OSBPL6: variants seen among roughly 807,000 people sequenced by gnomAD.
OSBPL6 encodes the protein oxysterol binding protein like 6, also known as oxysterol-binding protein-related protein 6.
In OSBPL6, 49 loss-of-function variants were observed where a neutral mutation model predicts 125.8. That is an observed-to-expected ratio of 0.39 (90% CI 0.31 to 0.49). The LOEUF (loss-of-function observed/expected upper bound fraction) is 0.49. Among genes scored for constraint, OSBPL6 ranks in the 20% least tolerant of loss-of-function variants. OSBPL6 has a pLI of 0.88. For synonymous variants in OSBPL6, 394 were observed against 391.8 expected (o/e 1.01, Z -0.07); for missense variants, 986 against 1,135.4 (o/e 0.87, Z 1.89).
In OSBPL6 at chr2:178,281,265, G is replaced by A. The variant is rs373778329; in HGVS notation, c.-350-3662G>A. On this transcript the variant is annotated intron_variant, in intron 1 of 24. Coordinates refer to ENST00000190611, the MANE Select transcript of OSBPL6 (RefSeq NM_032523.4). The stretch of plus-strand genomic sequence containing the variant: ...TGACCTCAGGTGATCCGCCTGCCTC[G>A]GCCTCCCAAAGTGCTGGGATTACAG... Among the ~76,000 whole-genome samples the A allele has an allele frequency of 1.4e-4, 21 of 152,042 alleles. 1 individual carries two copies. In the South Asian group the frequency reaches 1.5e-3, roughly 11 times the overall value.
chr2:178,324,132 A>T, intron 3 of OSBPL6, 45 bp from the exon 4 acceptor site: 1 of 1,266,774 alleles, frequency 7.9e-7, no homozygotes, highest in Non-Finnish European at 1.1e-6. Flanking sequence ...ATTCACATGA[A>T]AAGTGAGTTG....
intron 5 of OSBPL6, among the ~76,000 whole-genome samples, chr2:178,330,085 T>C (rs758149993): frequency 1.3e-5 from 2 of 152,180 alleles, no homozygotes; most frequent in African/African-American, 4.8e-5. Context: ...TTTCGCCAAT[T>C]GGCCATCCTC....
intron 1 of OSBPL6, among the ~76,000 whole-genome samples, chr2:178,276,910 A>G (rs1343775381): frequency 6.6e-6 from 1 of 152,104 alleles, no homozygotes; most frequent in Non-Finnish European, 1.5e-5. Flanking sequence ...TCTGCTAGGC[A>G]GGAGTCAGCA....
intron 15 of OSBPL6, among the ~76,000 whole-genome samples, chr2:178,380,587 G>A (rs139940635): frequency 1.9e-4 from 29 of 151,594 alleles, no homozygotes; most frequent in African/African-American, 2.7e-4. Flanking sequence ...TATTGCTGAC[G>A]AGAACAAACT....
rs1193637050 is a variant in OSBPL6 at position 178,398,993 on chromosome 2, T to C, written c.*3434T>C. ...TGTCTAATCTTGTTCTCTGTCATCCTAGATAATGAGGTGTTTGTGGGAGCA... is the reference window on the plus strand; with the variant it reads ...TGTCTAATCTTGTTCTCTGTCATCCCAGATAATGAGGTGTTTGTGGGAGCA... On this transcript the variant is annotated 3_prime_UTR_variant, in exon 25 of 25. Coordinates refer to ENST00000190611, the MANE Select transcript of OSBPL6 (RefSeq NM_032523.4). The C allele has an allele frequency of 1.3e-5, 2 of 151,892 alleles. No homozygotes were observed. Among genetic ancestry groups the C allele is most frequent in the Middle Eastern group, 3.2e-3 (1 of 316 alleles). The allele number at this position is 151,892 out of a possible 1,614,324, so 9.4% of individuals were successfully genotyped here.
At chr2:178,293,517 G>T (rs1320299687) in intron 2 of OSBPL6, among the ~76,000 whole-genome samples, 1 of 151,988 alleles carries the variant, frequency 6.6e-6, no homozygotes, top group Non-Finnish European at 1.5e-5. Context: ...ATTTTTGTGG[G>T]TATGTAGTAG....
At chr2:178,241,632 T>G (rs1029533153) in intron 1 of OSBPL6, among the ~76,000 whole-genome samples, 7 of 152,046 alleles carry the variant, frequency 4.6e-5, no homozygotes, top group African/African-American at 1.7e-4. Flanking sequence ...GCCAGGCTGG[T>G]CTTGAACTCC....
At chr2:178,274,258 G>T (rs977923001) in intron 1 of OSBPL6, among the ~76,000 whole-genome samples, 1 of 151,666 alleles carries the variant, frequency 6.6e-6, no homozygotes, top group African/African-American at 2.4e-5. Flanking sequence ...GTATTCTCTG[G>T]CTAACTAACT....
intron 1 of OSBPL6, among the ~76,000 whole-genome samples, chr2:178,255,051 C>A (rs944667862): frequency 6.6e-6 from 1 of 152,174 alleles, no homozygotes; most frequent in South Asian, 2.1e-4. Flanking sequence ...GGCCTGTAAT[C>A]CTAGCGCTTT....
chr2:178,215,854 G>A (rs1272773920), intron 1 of OSBPL6, among the ~76,000 whole-genome samples: 1 of 152,138 alleles, frequency 6.6e-6, no homozygotes, highest in Non-Finnish European at 1.5e-5. Context: ...TTAGTTCTGG[G>A]GCAGGTGAAG....
chr2:178,352,763 T>G (rs994519928), intron 12 of OSBPL6, among the ~76,000 whole-genome samples: 1 of 152,192 alleles, frequency 6.6e-6, no homozygotes, highest in African/African-American at 2.4e-5. Flanking sequence ...ATCTGAGCTT[T>G]GAGAACGGAC....
At chr2:178,299,522 C>G (rs911016247) in intron 2 of OSBPL6, among the ~76,000 whole-genome samples, 1 of 131,830 alleles carries the variant, frequency 7.6e-6, no homozygotes, top group African/African-American at 2.5e-5. Flanking sequence ...TTCTTTCTTT[C>G]CTTCCTTCCT....
At position 178,202,562 on chromosome 2, in the gene OSBPL6, C is replaced by A. The variant is rs146029500; in HGVS notation, c.-351+7888C>A. 4.7e-3 allele frequency among the ~76,000 whole-genome samples: 721 copies of A among 152,248 alleles called. 5 individuals are homozygous for A. Among genetic ancestry groups the A allele is most frequent in the African/African-American group, 0.017 (706 of 41,546 alleles). ...TATCTGCCGGGCGCTGTGGCTGACG[C>A]CTGTAATCCCAGCACTTTGGGAGGC... is the stretch of plus-strand genomic sequence containing the variant. On this transcript the variant is annotated intron_variant, in intron 1 of 24. Coordinates refer to ENST00000190611, the MANE Select transcript of OSBPL6 (RefSeq NM_032523.4).
Position 178,394,311 on chromosome 2 carries a change from A to C in OSBPL6, c.2574-2A>C. On this transcript the variant is annotated splice_acceptor_variant, in intron 23 of 24. Transcript: ENST00000190611. LOFTEE classifies it high-confidence loss of function. Reference sequence around the variant, plus strand: ...TTAAAATATCAACTGCTTTCTGCTTAGATTTTTGGAAGAAGGAAATTTAGA... The same window carrying C: ...TTAAAATATCAACTGCTTTCTGCTTCGATTTTTGGAAGAAGGAAATTTAGA... 6.2e-7 allele frequency: 1 copy of C among 1,611,230 alleles called. No homozygotes were observed. Among genetic ancestry groups the C allele is most frequent in the Non-Finnish European group, 8.5e-7 (1 of 1,179,404 alleles).
Position 178,349,365 on chromosome 2 carries a change from G to A in OSBPL6, c.1129G>A (p.Glu377Lys). Residue 377 changes from glutamate to lysine, a missense_variant, in exon 12 of 25, where the codon GAA becomes AAA. Physicochemically the swap from Glu to Lys is moderately conservative, Grantham distance 56. This residue lies in a region of OSBPL6 where 843 missense variants were observed against 997.3 expected (regional missense o/e 0.85). Coordinates refer to ENST00000190611, the MANE Select transcript of OSBPL6 (RefSeq NM_032523.4). ...AACAGATTATACAAAGCTGCAAGAA[G>A]AATTTTGTCTAATCGCACAGAAAGG... ...SSTDYTKLQE[E>K]FCLIAQKVHS... The A allele has an allele frequency of 6.2e-7, 1 of 1,614,134 alleles. No individual in the cohort carries two copies.
chr2:178,343,911 C>T (rs552314024), intron 11 of OSBPL6, among the ~76,000 whole-genome samples: 1 of 152,100 alleles, frequency 6.6e-6, no homozygotes, highest in Non-Finnish European at 1.5e-5. Flanking sequence ...ATCAGTTTTT[C>T]CTGAACTTAC....
intron 13 of OSBPL6, among the ~76,000 whole-genome samples, chr2:178,364,945 G>A (rs1461263981): frequency 3.3e-5 from 5 of 152,174 alleles, no homozygotes; most frequent in South Asian, 2.1e-4. Context: ...TTGGGAGGCC[G>A]AGGTGGGTGG....
intron 1 of OSBPL6, among the ~76,000 whole-genome samples, chr2:178,232,371 G>C (rs2090868442): frequency 6.6e-6 from 1 of 152,072 alleles, no homozygotes; most frequent in Non-Finnish European, 1.5e-5. Flanking sequence ...TAATCCCAGA[G>C]ACATAGGGCA....
chr2:178,396,076 C>T lies in OSBPL6; in HGVS notation c.*517C>T, dbSNP rs1451665414. 4.5e-6 allele frequency: 1 copy of T among 221,234 alleles called. No individual in the cohort carries two copies. Among genetic ancestry groups the T allele is most frequent in the Non-Finnish European group, 9.3e-6 (1 of 107,350 alleles). 13.7% of individuals were successfully genotyped at this position (221,234 alleles called of 1,614,324 possible). A position where few individuals can be genotyped will look rare whatever the true frequency, so the allele number is the denominator to read the frequency against. On this transcript the variant is annotated 3_prime_UTR_variant, in exon 25 of 25. Coordinates refer to ENST00000190611, the MANE Select transcript of OSBPL6 (RefSeq NM_032523.4). ...TTGTCGAAAAAGATGTGATGCTTCT[C>T]AGAACCTGTTCCATCTGTATGCCAT...
Sources: allele counts gnomAD v4.1 joint callset (sites outside exome capture counted in the v4.1 genomes callset), GRCh38; gene constraint gnomAD v4.1.1; regional missense constraint gnomAD v4.1.1; transcripts MANE v1.5; gene names NCBI Gene and HGNC (gene_info 2026-07-23, HGNC 2026-07-21).